The following SHANK2 variants were observed in gnomAD, a reference collection of about 807,000 sequenced individuals.
The protein encoded by SHANK2 is SH3 and multiple ankyrin repeat domains protein 2.
Under a neutral mutation model 133.7 loss-of-function variants are expected in SHANK2, and 43 were observed. The observed-to-expected ratio is 0.32, with a 90% CI of 0.25 to 0.41. The LOEUF (loss-of-function observed/expected upper bound fraction) is 0.41. Among genes scored for constraint, SHANK2 ranks in the 10% least tolerant of loss-of-function variants. The probability of loss-of-function intolerance (pLI) is 1.00; values close to 1 mark genes in which losing one functional copy is unlikely to be tolerated. For synonymous variants in SHANK2, 1,017 were observed against 952.8 expected (o/e 1.07, Z -1.24); for missense variants, 1,994 against 2,235.8 (o/e 0.89, Z 2.18).
intron 9 of SHANK2, among the ~76,000 whole-genome samples, chr11:71,061,104 T>C (rs36149635): frequency 0.5 from 75,821 of 152,206 alleles, 19,557 homozygotes; most frequent in African/African-American, 0.64. Flanking sequence ...GGGTCCACAC[T>C]GTGGGAGGTG....
chr11:71,190,711 C>T (rs1425756483), intron 2 of SHANK2, among the ~76,000 whole-genome samples: 6 of 152,154 alleles, frequency 3.9e-5, no homozygotes, highest in East Asian at 3.9e-4. Flanking sequence ...AAGGGCTGCA[C>T]GCAGGCGTTG....
chr11:70,617,432 C>G (rs1395986446), intron 17 of SHANK2, among the ~76,000 whole-genome samples: 1 of 152,218 alleles, frequency 6.6e-6, no homozygotes, highest in Non-Finnish European at 1.5e-5. Flanking sequence ...GTTCACCCAG[C>G]CCTGCCATAA....
At chr11:71,178,817 C>A (rs1409724307) in intron 2 of SHANK2, among the ~76,000 whole-genome samples, 1 of 152,066 alleles carries the variant, frequency 6.6e-6, no homozygotes, top group Non-Finnish European at 1.5e-5. Flanking sequence ...AACACTGTCT[C>A]TACTAAAAAT....
intron 5 of SHANK2, among the ~76,000 whole-genome samples, chr11:71,110,331 G>A (rs970205265): frequency 6.6e-6 from 1 of 152,146 alleles, no homozygotes; most frequent in Non-Finnish European, 1.5e-5. Context: ...CCAGCTACTC[G>A]GGAGGTTGAG....
At chr11:71,138,804 AAAAG>A (rs1441303141) in intron 3 of SHANK2, among the ~76,000 whole-genome samples, 7,674 of 140,242 alleles carry the variant, frequency 0.055, 461 homozygotes, top group African/African-American at 0.18. Flanking sequence ...AAAAAAAAAA[AAAAG>A]AAAAGAAAAA....
At chr11:71,245,900 C>A (rs782675173) in intron 1 of SHANK2, among the ~76,000 whole-genome samples, 2 of 152,206 alleles carry the variant, frequency 1.3e-5, no homozygotes, top group East Asian at 3.9e-4. Flanking sequence ...CCGGCTGGCC[C>A]AGGGGCAAAT....
chr11:70,770,422 G>C (rs923331495), intron 14 of SHANK2, among the ~76,000 whole-genome samples: 10 of 152,238 alleles, frequency 6.6e-5, no homozygotes, highest in Non-Finnish European at 1.3e-4. Context: ...CAGCACTGTA[G>C]AGACCAGCTG....
chr11:70,878,638 G>A (rs142207927), intron 11 of SHANK2, among the ~76,000 whole-genome samples: 2 of 152,318 alleles, frequency 1.3e-5, no homozygotes, highest in Admixed American at 1.3e-4. Flanking sequence ...GGGACTGGCA[G>A]AGGACTGGAA....
At chr11:70,546,118 T>A (rs1352211762) in intron 17 of SHANK2, among the ~76,000 whole-genome samples, 1 of 93,754 alleles carries the variant, frequency 1.1e-5, no homozygotes, top group African/African-American at 3.6e-5. Flanking sequence ...TTTTTTTTTT[T>A]GTAGAGATGG....
intron 2 of SHANK2, among the ~76,000 whole-genome samples, chr11:71,160,096 G>A (rs1356196905): frequency 2.0e-5 from 3 of 152,066 alleles, no homozygotes; most frequent in African/African-American, 4.8e-5. Flanking sequence ...AATGGGTACA[G>A]TCCATCGCAG....
At chr11:70,932,565 G>C (rs1950517802) in intron 10 of SHANK2, among the ~76,000 whole-genome samples, 2 of 152,198 alleles carry the variant, frequency 1.3e-5, no homozygotes, top group Non-Finnish European at 2.9e-5. Context: ...AGGCATCTGG[G>C]CCACACCTTC....
chr11:70,778,520 T>TGA (rs557656483), intron 14 of SHANK2, among the ~76,000 whole-genome samples: 24 of 152,192 alleles, frequency 1.6e-4, no homozygotes, highest in African/African-American at 5.3e-4. Flanking sequence ...TAAGATTAAA[T>TGA]GAAGGTACAA....
chr11:70,745,879 C>T (rs999464775), intron 14 of SHANK2, among the ~76,000 whole-genome samples: 3 of 152,228 alleles, frequency 2.0e-5, no homozygotes, highest in African/African-American at 4.8e-5. Flanking sequence ...CCTGAGACCT[C>T]GAGCGAGCGT....
intron 14 of SHANK2, among the ~76,000 whole-genome samples, chr11:70,787,698 T>C (rs938665061): frequency 2.0e-5 from 3 of 150,040 alleles, no homozygotes; most frequent in Non-Finnish European, 4.5e-5. Flanking sequence ...ATCAACTACT[T>C]ATCATCATTA....
intron 14 of SHANK2, among the ~76,000 whole-genome samples, chr11:70,767,731 G>T (rs1035536735): frequency 6.6e-6 from 1 of 151,428 alleles, no homozygotes; most frequent in African/African-American, 2.4e-5. Flanking sequence ...ATGAATATAG[G>T]GTTTCTTTTT....
rs182770466 is a variant in SHANK2, at chr11:70,481,858, A to G, written c.4979+3456T>C. ...AAATGCCCAGGGCCCATCAGTGAAG[A>G]CCACGCCCAGCAAAGGAGACATGCT... is the stretch of plus-strand genomic sequence containing the variant. On this transcript the variant is annotated intron_variant, in intron 25 of 25. Coordinates refer to ENST00000601538, the MANE Select transcript of SHANK2 (RefSeq NM_012309.5). Among the ~76,000 whole-genome samples, 50 of 152,324 alleles carry G rather than the reference A, an allele frequency of 3.3e-4. No homozygotes were observed. The South Asian group carries it at 5.0e-3, about 15-fold the overall frequency.
chr11:70,851,408 T>C (rs1590757749), intron 11 of SHANK2, among the ~76,000 whole-genome samples: 4 of 152,190 alleles, frequency 2.6e-5, no homozygotes, highest in African/African-American at 9.7e-5. Context: ...TCCTGACCAC[T>C]GGGACATAAA....
At chr11:71,074,359 C>T (rs1284173847) in intron 9 of SHANK2, among the ~76,000 whole-genome samples, 1 of 152,180 alleles carries the variant, frequency 6.6e-6, no homozygotes, top group African/African-American at 2.4e-5. Flanking sequence ...GCACACCCAG[C>T]ATGGTTTCAA....
At chr11:70,474,173 G>C (rs372999694) in intron 25 of SHANK2, 1 of 155,294 alleles carries the variant, frequency 6.4e-6, no homozygotes, top group African/African-American at 2.4e-5. Flanking sequence ...CGCCCACCCA[G>C]TGGACAGTTT....
Sources: allele counts gnomAD v4.1 joint callset (sites outside exome capture counted in the v4.1 genomes callset), GRCh38; gene constraint gnomAD v4.1.1; transcripts MANE v1.5; gene names NCBI Gene and HGNC (gene_info 2026-07-23, HGNC 2026-07-21).